Variants in PGR observed in about 807,000 individuals in gnomAD.
PGR encodes the protein progesterone receptor.
A neutral mutation model predicts 76.1 loss-of-function variants in PGR; 25 were observed. The observed-to-expected ratio is 0.33, with a 90% CI of 0.24 to 0.46. The LOEUF is 0.46. PGR is among the 20% of genes least tolerant of loss of function. The pLI, the probability that PGR is intolerant of heterozygous loss-of-function variation, is 1.00. For synonymous variants in PGR, 579 were observed against 535.0 expected, an observed-to-expected ratio of 1.08 and a Z score of -1.14; for missense variants, 1,172 against 1,225.3, an observed-to-expected ratio of 0.96 and a Z score of 0.65.
At chr11:101,094,431 C>A (rs987254338) in intron 2 of PGR, among the ~76,000 whole-genome samples, 1 of 152,186 alleles carries the variant, frequency 6.6e-6, no homozygotes, top group Non-Finnish European at 1.5e-5. Context: ...TCTTTTCTGA[C>A]TCTTGACCTG....
At chr11:101,056,192 G>T (rs543936) in intron 4 of PGR, among the ~76,000 whole-genome samples, 1 of 151,596 alleles carries the variant, frequency 6.6e-6, no homozygotes, top group African/African-American at 2.4e-5. Context: ...ACCTTCACAT[G>T]GAGAAGTGAT....
rs1312850009 is a variant in PGR, at chr11:101,129,777, C to T, written c.-707G>A. On this transcript the variant is annotated 5_prime_UTR_variant, in exon 1 of 8. Transcript: ENST00000325455. ...AGAATGCCACCCACACGCACAAATACAACAAGGCTTACCCCGATTAGTGAC... is the reference window on the plus strand; with the variant it reads ...AGAATGCCACCCACACGCACAAATATAACAAGGCTTACCCCGATTAGTGAC... 1.1e-5 allele frequency: 2 copies of T among 178,288 alleles called. No homozygotes were observed. The highest frequency in any genetic ancestry group is 9.4e-5 in the East Asian group (1 of 10,668). 11.0% of individuals were successfully genotyped at this position (178,288 alleles called of 1,614,324 possible).
At chr11:101,083,484 T>C (rs73571768) in intron 3 of PGR, among the ~76,000 whole-genome samples, 1,718 of 152,254 alleles carry the variant, frequency 0.011, 28 homozygotes, top group African/African-American at 0.039. Flanking sequence ...TTGCATTGTG[T>C]GCCTGGAATA....
chr11:101,115,089 TA>T (rs1377514233), intron 2 of PGR, among the ~76,000 whole-genome samples: 1 of 152,102 alleles, frequency 6.6e-6, no homozygotes, highest in East Asian at 1.9e-4. Flanking sequence ...TGAAAAGAAT[TA>T]TCCTAGAAAA....
intron 3 of PGR, among the ~76,000 whole-genome samples, chr11:101,067,456 C>T (rs1391650291): frequency 2.0e-5 from 3 of 151,788 alleles, no homozygotes; most frequent in African/African-American, 7.3e-5. Flanking sequence ...CTACCTAAAA[C>T]GGCAAGGACA....
chr11:101,127,712 G>A lies in PGR; in HGVS notation c.1359C>T (p.Ser453=), dbSNP rs201602610. ...GGATGCACTCCAGGGTCGACCCCGA[G>A]GAGGACGCAGACGAGACTGAGGCAC... ...PASASVSSAS[S]SGSTLECILY... Residue 453 remains serine, a synonymous_variant, in exon 1 of 8, where the codon TCC becomes TCT. Coordinates refer to ENST00000325455, the MANE Select transcript of PGR (RefSeq NM_000926.4). 4.4e-5 allele frequency: 70 copies of A among 1,584,832 alleles called. No homozygotes were observed. The highest frequency in any genetic ancestry group is 5.0e-5 in the Non-Finnish European group (59 of 1,174,444).
chr11:101,078,624 C>T (rs1861203653), intron 3 of PGR, among the ~76,000 whole-genome samples: 1 of 152,122 alleles, frequency 6.6e-6, no homozygotes, highest in Non-Finnish European at 1.5e-5. Flanking sequence ...GTGACCTGTT[C>T]AAGGTAGGGA....
At position 101,129,341 on chromosome 11, in the gene PGR, G is replaced by T; in HGVS notation, c.-271C>A. ...GGGAGCGCAAGAAAAAGTAGTAATT[G>T]TTAGGAGATCTCGTCTCCTAACTCG... On this transcript the variant is annotated 5_prime_UTR_variant, in exon 1 of 8. Transcript: ENST00000325455. The T allele has an allele frequency of 2.2e-6, 1 of 448,120 alleles. No homozygotes were observed. The allele number at this position is 448,120 out of a possible 1,614,324, so 27.8% of individuals were successfully genotyped here.
chr11:101,059,510 A>G (rs1011373117), intron 4 of PGR, among the ~76,000 whole-genome samples: 3 of 152,152 alleles, frequency 2.0e-5, no homozygotes, highest in African/African-American at 4.8e-5. Flanking sequence ...ACGTGCTGAC[A>G]TAAGGCTAGA....
At chr11:101,048,492 C>T (rs1278184701) in intron 6 of PGR, among the ~76,000 whole-genome samples, 3 of 152,108 alleles carry the variant, frequency 2.0e-5, no homozygotes, top group Non-Finnish European at 2.9e-5. Context: ...TATTCCTAGG[C>T]TATGAACCTG....
At chr11:101,084,978 G>A (rs1049904378) in intron 3 of PGR, among the ~76,000 whole-genome samples, 1 of 152,126 alleles carries the variant, frequency 6.6e-6, no homozygotes, top group Non-Finnish European at 1.5e-5. Flanking sequence ...GACTTCTAAG[G>A]ACCTAGAAAG....
intron 2 of PGR, among the ~76,000 whole-genome samples, chr11:101,094,955 C>T (rs572781286): frequency 9.9e-5 from 15 of 152,172 alleles, no homozygotes; most frequent in African/African-American, 2.9e-4. Flanking sequence ...CAGCAAGGGG[C>T]GCCATCTTGG....
intron 2 of PGR, among the ~76,000 whole-genome samples, chr11:101,112,055 T>A (rs1018372846): frequency 6.6e-6 from 1 of 152,158 alleles, no homozygotes; most frequent in African/African-American, 2.4e-5. Context: ...AATTGTCAAA[T>A]GCTACCAATG....
At chr11:101,049,319 G>C (rs575003459) in intron 6 of PGR, among the ~76,000 whole-genome samples, 1 of 151,824 alleles carries the variant, frequency 6.6e-6, no homozygotes, top group Non-Finnish European at 1.5e-5. Flanking sequence ...GCTGTTTTGC[G>C]GTTAACTTAA....
chr11:101,094,924 C>G (rs573762495), intron 2 of PGR, among the ~76,000 whole-genome samples: 11 of 152,226 alleles, frequency 7.2e-5, no homozygotes, highest in Admixed American at 7.2e-4. Context: ...TCCTTTTTAT[C>G]CTTTCTGCCA....
At chr11:101,074,912 A>G (rs1227567663) in intron 3 of PGR, among the ~76,000 whole-genome samples, 2 of 152,234 alleles carry the variant, frequency 1.3e-5, no homozygotes, top group East Asian at 3.8e-4. Context: ...AGTAATTTAT[A>G]GATTCAATGC....
intron 2 of PGR, among the ~76,000 whole-genome samples, chr11:101,100,019 T>C (rs1861948388): frequency 1.3e-5 from 2 of 152,174 alleles, no homozygotes; most frequent in Non-Finnish European, 2.9e-5. Flanking sequence ...AAATCTAAAC[T>C]TAGAAGAGGA....
intron 2 of PGR, among the ~76,000 whole-genome samples, chr11:101,092,881 T>C (rs764694662): frequency 5.3e-5 from 8 of 152,170 alleles, no homozygotes; most frequent in Non-Finnish European, 1.0e-4. Context: ...TAAAAGATCA[T>C]GGGATTTTCC....
intron 3 of PGR, among the ~76,000 whole-genome samples, chr11:101,070,266 T>C (rs2135423014): frequency 6.6e-6 from 1 of 152,266 alleles, no homozygotes; most frequent in East Asian, 1.9e-4. Flanking sequence ...TGAGTGACTG[T>C]GCTGTAAGGA....
Sources: allele counts gnomAD v4.1 joint callset (sites outside exome capture counted in the v4.1 genomes callset), GRCh38; gene constraint gnomAD v4.1.1; transcripts MANE v1.5; gene names NCBI Gene and HGNC (gene_info 2026-07-23, HGNC 2026-07-21).